SHISA6: variants seen among roughly 807,000 people sequenced by gnomAD.
The protein encoded by SHISA6 is shisa family member 6.
A neutral mutation model predicts 47.9 loss-of-function variants in SHISA6; 22 were observed. That is an observed-to-expected ratio of 0.46 (90% CI 0.33 to 0.66). The LOEUF (loss-of-function observed/expected upper bound fraction) is 0.66, where lower values mean the gene tolerates loss of function less well. SHISA6 is among the 30% of genes least tolerant of loss of function. SHISA6 has a pLI of 0.02. For synonymous variants in SHISA6, 388 were observed against 337.8 expected, an observed-to-expected ratio of 1.15 and a Z score of -1.63; for missense variants, 680 against 764.6, an observed-to-expected ratio of 0.89 and a Z score of 1.30.
chr17:11,289,876 A>C (rs1302194605), intron 2 of SHISA6: 1 of 152,128 alleles, frequency 6.6e-6, no homozygotes, highest in East Asian at 1.9e-4. Flanking sequence ...TGATAGAACC[A>C]GTTAGTGTAC....
intron 2 of SHISA6, among the ~76,000 whole-genome samples, chr17:11,295,206 C>T (rs55811427): frequency 9.9e-5 from 15 of 152,280 alleles, no homozygotes; most frequent in South Asian, 2.1e-4. Context: ...TAATTGAAAC[C>T]GCAGAAAGCA....
intron 3 of SHISA6, among the ~76,000 whole-genome samples, chr17:11,471,817 C>G (rs1176642969): frequency 6.6e-6 from 1 of 152,190 alleles, no homozygotes; most frequent in Non-Finnish European, 1.5e-5. Flanking sequence ...CACAGCAAAA[C>G]TAAGAGTAAG....
At chr17:11,386,560 GT>G in intron 3 of SHISA6, among the ~76,000 whole-genome samples, 1 of 152,050 alleles carries the variant, frequency 6.6e-6, no homozygotes, top group Non-Finnish European at 1.5e-5. Context: ...GCTTTGTTTT[GT>G]TTTTTTAAGA....
chr17:11,471,856 C>T (rs556842232), intron 3 of SHISA6, among the ~76,000 whole-genome samples: 12 of 151,934 alleles, frequency 7.9e-5, no homozygotes, highest in African/African-American at 2.4e-4. Flanking sequence ...TATCTTCTAC[C>T]CCCACACATG....
intron 3 of SHISA6, among the ~76,000 whole-genome samples, chr17:11,479,860 T>G (rs1309415555): frequency 6.6e-6 from 1 of 152,032 alleles, no homozygotes; most frequent in Non-Finnish European, 1.5e-5. Flanking sequence ...TTATTTTATC[T>G]TCACTTATTT....
intron 3 of SHISA6, among the ~76,000 whole-genome samples, chr17:11,477,054 G>A (rs1186081434): frequency 6.6e-6 from 1 of 152,056 alleles, no homozygotes; most frequent in African/African-American, 2.4e-5. Context: ...TCTGAAGTCT[G>A]CTCTGCATAA....
intron 2 of SHISA6, among the ~76,000 whole-genome samples, chr17:11,299,664 C>T (rs1909855815): frequency 6.6e-6 from 1 of 152,086 alleles, no homozygotes; most frequent in African/African-American, 2.4e-5. Flanking sequence ...CGGTCCTTTC[C>T]TGCATCTTCA....
intron 3 of SHISA6, among the ~76,000 whole-genome samples, chr17:11,409,833 A>G (rs1173566485): frequency 6.6e-6 from 1 of 152,162 alleles, no homozygotes; most frequent in African/African-American, 2.4e-5. Context: ...CAGGGCAAGA[A>G]CTTACCTGGA....
intron 2 of SHISA6, among the ~76,000 whole-genome samples, chr17:11,378,271 G>T (rs764290224): frequency 6.6e-5 from 10 of 152,156 alleles, no homozygotes; most frequent in Non-Finnish European, 1.5e-4. Context: ...AATAGCACTC[G>T]TGTTCCTACT....
intron 3 of SHISA6, among the ~76,000 whole-genome samples, chr17:11,390,240 C>G (rs75095267): frequency 0.037 from 5,565 of 152,274 alleles, 187 homozygotes; most frequent in Admixed American, 0.087. Context: ...TGCTGGACTT[C>G]TGGCTCTAAC....
chr17:11,535,897 G>C (rs2071782546), intron 3 of SHISA6, among the ~76,000 whole-genome samples: 1 of 152,060 alleles, frequency 6.6e-6, no homozygotes, highest in Non-Finnish European at 1.5e-5. Context: ...GTGTGTGTGT[G>C]TGTGTGTGTG....
At chr17:11,470,782 C>CT (rs1915917812) in intron 3 of SHISA6, among the ~76,000 whole-genome samples, 3 of 152,170 alleles carry the variant, frequency 2.0e-5, no homozygotes, top group Admixed American at 6.5e-5. Flanking sequence ...GCAGCATCAT[C>CT]TCCTATCACT....
intron 3 of SHISA6, among the ~76,000 whole-genome samples, chr17:11,449,894 C>A (rs998193228): frequency 6.6e-6 from 1 of 152,140 alleles, no homozygotes; most frequent in Non-Finnish European, 1.5e-5. Flanking sequence ...TCTTCTTTTT[C>A]TTTTCTTTGA....
chr17:11,549,799 AAAC>A lies in SHISA6; in HGVS notation c.896-2082_896-2080del, dbSNP rs956287888. Among the ~76,000 whole-genome samples, 7 of 152,270 alleles carry A rather than the reference AAAC, an allele frequency of 4.6e-5. No homozygotes were observed. In the South Asian group the frequency reaches 1.0e-3, roughly 23 times the overall value. On this transcript the variant is annotated intron_variant, in intron 3 of 5. Coordinates refer to ENST00000441885, the MANE Select transcript of SHISA6 (RefSeq NM_207386.4). The stretch of plus-strand genomic sequence containing the variant: ...TTGTTTAAAAACGAACAAATAAACC[AAAC>A]AACAACAACAACAAAACCTCATTGG...
At position 11,557,986 on chromosome 17, in the gene SHISA6, G is replaced by C; in HGVS notation, c.1338G>C (p.Leu446=). The change falls in exon 6 of 6, where the codon CTG becomes CTC. Residue 446 remains leucine, a synonymous_variant. Coordinates refer to ENST00000441885, the MANE Select transcript of SHISA6 (RefSeq NM_207386.4). ...ACCGCATCCTGTCCGACGAGCAGCT[G>C]CTCTCCACGGAGCGCCTGCACTCCC... is the stretch of plus-strand genomic sequence containing the variant. ...PYDRILSDEQ[L]LSTERLHSQD... 6.4e-7 allele frequency: 1 copy of C among 1,551,456 alleles called. No individual in the cohort carries two copies. Among genetic ancestry groups the C allele is most frequent in the Non-Finnish European group, 8.7e-7 (1 of 1,146,930 alleles).
At chr17:11,256,222 C>T (rs926751835) in intron 1 of SHISA6, among the ~76,000 whole-genome samples, 6 of 152,140 alleles carry the variant, frequency 3.9e-5, no homozygotes, top group Non-Finnish European at 5.9e-5. Context: ...CGGCCGGGCA[C>T]GGTGGCTCAC....
At chr17:11,521,526 G>A (rs2071629185) in intron 3 of SHISA6, among the ~76,000 whole-genome samples, 2 of 152,170 alleles carry the variant, frequency 1.3e-5, no homozygotes. Context: ...GTTCACGCCT[G>A]TAATCTCAGC....
chr17:11,275,692 A>G (rs1218128993), intron 2 of SHISA6, among the ~76,000 whole-genome samples: 3 of 152,192 alleles, frequency 2.0e-5, no homozygotes, highest in Non-Finnish European at 2.9e-5. Flanking sequence ...GACCCAAATG[A>G]CTGAGCCATG....
chr17:11,467,670 G>T (rs28690912), intron 3 of SHISA6, among the ~76,000 whole-genome samples: 1 of 152,054 alleles, frequency 6.6e-6, no homozygotes, highest in Non-Finnish European at 1.5e-5. Flanking sequence ...GTTCTCACCT[G>T]TTTGGGGAGT....
Sources: gnomAD v4.1 joint callset for allele counts (sites outside exome capture counted in the v4.1 genomes callset) on GRCh38, gnomAD v4.1.1 for gene constraint, MANE v1.5 for transcripts, NCBI Gene and HGNC (gene_info 2026-07-23, HGNC 2026-07-21) for gene names.